The following SBF2 variants were observed in gnomAD, a reference collection of about 807,000 sequenced individuals.
The protein encoded by SBF2 is SET binding factor 2, also known as myotubularin-related protein 13.
SBF2 carries 112 observed loss-of-function variants against 225.2 expected under a neutral mutation model. The ratio of observed to expected loss-of-function variants is 0.50; its 90% CI spans 0.43 to 0.58. The LOEUF (loss-of-function observed/expected upper bound fraction) is 0.58. SBF2 is among the 20% of genes least tolerant of loss of function. The pLI, the probability that SBF2 is intolerant of heterozygous loss-of-function variation, is 0.00. For missense variants in SBF2, 1,996 were observed against 2,206.2 expected (o/e 0.90, Z 1.91); for synonymous variants, 763 against 773.3 (o/e 0.99, Z 0.22).
chr11:10,281,751 AT>A (rs1380924772), intron 1 of SBF2, among the ~76,000 whole-genome samples: 1 of 152,162 alleles, frequency 6.6e-6, no homozygotes, highest in Non-Finnish European at 1.5e-5. Flanking sequence ...TACCTGTCCC[AT>A]CTTTTGAAGT....
intron 26 of SBF2, among the ~76,000 whole-genome samples, chr11:9,836,096 T>A (rs1855720823): frequency 6.6e-6 from 1 of 152,192 alleles, no homozygotes; most frequent in Non-Finnish European, 1.5e-5. Context: ...TTTACTCTCT[T>A]GATGATATCT....
chr11:10,198,431 T>G (rs1957455406), intron 1 of SBF2, among the ~76,000 whole-genome samples: 1 of 152,196 alleles, frequency 6.6e-6, no homozygotes, highest in African/African-American at 2.4e-5. Context: ...AACCATGCTA[T>G]AAATAGATGT....
intron 12 of SBF2, 103 bp from the exon 13 acceptor site, chr11:9,989,698 T>A (rs1947344869): frequency 2.8e-6 from 2 of 702,600 alleles, no homozygotes; most frequent in Non-Finnish European, 4.9e-6. Context: ...ATCCAACATA[T>A]ACATTATTTT....
chr11:9,789,883 A>G (rs945027577), intron 34 of SBF2, among the ~76,000 whole-genome samples: 1 of 152,250 alleles, frequency 6.6e-6, no homozygotes, highest in Non-Finnish European at 1.5e-5. Context: ...TGAAGTACCC[A>G]GACAGAGTAT....
intron 2 of SBF2, among the ~76,000 whole-genome samples, chr11:10,055,229 A>C (rs954351299): frequency 6.6e-6 from 1 of 152,162 alleles, no homozygotes; most frequent in Non-Finnish European, 1.5e-5. Context: ...AAAGTCAAAA[A>C]AACAAAAGAT....
intron 37 of SBF2, among the ~76,000 whole-genome samples, chr11:9,784,694 C>CAGAG (rs1209800580): frequency 1.3e-5 from 2 of 152,222 alleles, no homozygotes; most frequent in African/African-American, 4.8e-5. Context: ...TGACATAACA[C>CAGAG]AGAGAGAGGG....
At chr11:9,876,618 C>A (rs1859264598) in intron 17 of SBF2, among the ~76,000 whole-genome samples, 1 of 152,154 alleles carries the variant, frequency 6.6e-6, no homozygotes, top group African/African-American at 2.4e-5. Context: ...GAAAGCCGTT[C>A]CCAGAAAGTG....
intron 2 of SBF2, among the ~76,000 whole-genome samples, chr11:10,129,792 C>T (rs1176436169): frequency 4.6e-5 from 7 of 152,058 alleles, no homozygotes; most frequent in Admixed American, 2.0e-4. Flanking sequence ...TTGCTTGAGG[C>T]CACGAGTTCA....
Position 9,932,979 on chromosome 11 carries a change from A to C in SBF2, c.1860+28978T>G, listed in dbSNP as rs868393994. Among the ~76,000 whole-genome samples, 105 of 150,470 alleles carry C rather than the reference A, an allele frequency of 7.0e-4. 1 individual carries two copies. In the Middle Eastern group the frequency reaches 0.014, roughly 20 times the overall value. The stretch of plus-strand genomic sequence containing the variant: ...AAGCAAAAAAAAAAAAAAAAAAAAA[A>C]AAAAAAAACAGGTGTTGCAATCCTC... On this transcript the variant is annotated intron_variant, in intron 16 of 39. Transcript: ENST00000256190.
chr11:10,256,686 A>G (rs904090533), intron 1 of SBF2, among the ~76,000 whole-genome samples: 1 of 152,206 alleles, frequency 6.6e-6, no homozygotes, highest in Non-Finnish European at 1.5e-5. Context: ...TACCCTCTCC[A>G]GGGTATAGTC....
At chr11:9,794,687 A>AAAAAAAT in intron 33 of SBF2, among the ~76,000 whole-genome samples, 1 of 139,506 alleles carries the variant, frequency 7.2e-6, no homozygotes, top group Non-Finnish European at 1.5e-5. Context: ...AAAAAAAAAA[A>AAAAAAAT]AAAAAAAAAA....
chr11:10,183,357 TA>T (rs796229171), intron 2 of SBF2, among the ~76,000 whole-genome samples: 4 of 152,012 alleles, frequency 2.6e-5, no homozygotes, highest in African/African-American at 9.6e-5. Context: ...GGGAAACTTC[TA>T]AAAAAAATGG....
chr11:10,000,387 C>T (rs192711453), intron 8 of SBF2, among the ~76,000 whole-genome samples: 129 of 152,248 alleles, frequency 8.5e-4, no homozygotes, highest in African/African-American at 3.0e-3. Flanking sequence ...AAGTGTGATA[C>T]ACAGAACTAA....
intron 6 of SBF2, among the ~76,000 whole-genome samples, chr11:10,012,523 G>C (rs1948496619): frequency 6.6e-6 from 1 of 152,120 alleles, no homozygotes; most frequent in African/African-American, 2.4e-5. Context: ...AATTGCCTAG[G>C]TTTTTGACCA....
chr11:10,208,096 T>C (rs1421085712), intron 1 of SBF2, among the ~76,000 whole-genome samples: 2 of 152,272 alleles, frequency 1.3e-5, no homozygotes, highest in East Asian at 1.9e-4. Flanking sequence ...CTGAGGCTTA[T>C]CTTAGCTCTG....
At chr11:9,870,550 A>C (rs1010458564) in intron 17 of SBF2, among the ~76,000 whole-genome samples, 1 of 152,216 alleles carries the variant, frequency 6.6e-6, no homozygotes, top group African/African-American at 2.4e-5. Flanking sequence ...AAATAAGACC[A>C]CACACCTACA....
Position 10,059,457 on chromosome 11 carries a change from T to C in SBF2, c.142-16476A>G, listed in dbSNP as rs150270266. On this transcript the variant is annotated intron_variant, in intron 2 of 39. Coordinates refer to ENST00000256190, the MANE Select transcript of SBF2 (RefSeq NM_030962.4). ...AAGGGTTCAATTCAACAAGAAGACC[T>C]AACTATCCTAAATTAAACAAGAAAA... Among the ~76,000 whole-genome samples, 239 of 152,138 alleles carry C rather than the reference T, an allele frequency of 1.6e-3. 7 individuals are homozygous for C. In the East Asian group the frequency reaches 0.043, roughly 28 times the overall value.
chr11:10,198,942 C>T (rs2135347264), intron 1 of SBF2, among the ~76,000 whole-genome samples: 1 of 152,226 alleles, frequency 6.6e-6, no homozygotes, highest in East Asian at 1.9e-4. Context: ...CTAATTTCAT[C>T]TATCCAAACC....
chr11:9,853,784 T>C, intron 19 of SBF2, 72 bp from the exon 20 acceptor site: 1 of 1,373,686 alleles, frequency 7.3e-7, no homozygotes, highest in South Asian at 1.2e-5. Flanking sequence ...AGTAGTCAAT[T>C]TACATAGCGA....
Sources: allele counts gnomAD v4.1 joint callset (sites outside exome capture counted in the v4.1 genomes callset), GRCh38; gene constraint gnomAD v4.1.1; transcripts MANE v1.5; gene names NCBI Gene and HGNC (gene_info 2026-07-23, HGNC 2026-07-21).